HYDIN: variants seen among roughly 807,000 people sequenced by gnomAD.
HYDIN encodes the protein HYDIN axonemal central pair apparatus protein, also known as axonemal central pair apparatus protein HYDIN.
In HYDIN, 132 loss-of-function variants were observed where a neutral mutation model predicts 403.9. The ratio of observed to expected loss-of-function variants is 0.33; its 90% confidence interval spans 0.28 to 0.38. HYDIN has a LOEUF of 0.38. HYDIN is among the 10% of genes least tolerant of loss of function. The pLI, the probability that HYDIN is intolerant of heterozygous loss-of-function variation, is 1.00. For synonymous variants in HYDIN, 1,202 were observed against 1,891.7 expected, an observed-to-expected ratio of 0.64 and a Z score of 9.46; for missense variants, 2,827 against 5,009.5, an observed-to-expected ratio of 0.56 and a Z score of 13.15.
At chr16:71,211,047 T>C (rs1310184824) in intron 1 of HYDIN, among the ~76,000 whole-genome samples, 1 of 151,920 alleles carries the variant, frequency 6.6e-6, no homozygotes, top group Non-Finnish European at 1.5e-5. Flanking sequence ...TAGAAGTCAA[T>C]GATCAGAGCC....
chr16:71,219,875 A>C (rs1344493764), intron 1 of HYDIN, among the ~76,000 whole-genome samples: 2 of 152,196 alleles, frequency 1.3e-5, no homozygotes, highest in East Asian at 3.9e-4. Flanking sequence ...TTAATGAGGA[A>C]ACAGATCTTG....
At chr16:71,070,165 G>C in intron 13 of HYDIN, among the ~76,000 whole-genome samples, 1 of 152,138 alleles carries the variant, frequency 6.6e-6, no homozygotes, top group Non-Finnish European at 1.5e-5. Context: ...ATCCAGCTTT[G>C]TTCCGTGAGA....
chr16:71,024,294 G>A (rs967173925), intron 21 of HYDIN, among the ~76,000 whole-genome samples: 3 of 152,070 alleles, frequency 2.0e-5, no homozygotes, highest in Non-Finnish European at 4.4e-5. Flanking sequence ...TTCCTAACTC[G>A]AGCCCTTCAT....
intron 1 of HYDIN, among the ~76,000 whole-genome samples, chr16:71,187,739 A>G (rs1325138857): frequency 6.6e-6 from 1 of 152,166 alleles, no homozygotes; most frequent in Non-Finnish European, 1.5e-5. Context: ...ATATAAAGGA[A>G]AGTAGATTTG....
intron 12 of HYDIN, among the ~76,000 whole-genome samples, chr16:71,086,177 A>G (rs540330674): frequency 2.0e-5 from 3 of 152,194 alleles, no homozygotes; most frequent in South Asian, 4.1e-4. Context: ...TTTAGGGAAT[A>G]GTTTAAAGAA....
At chr16:71,205,387 T>C (rs78784534) in intron 1 of HYDIN, among the ~76,000 whole-genome samples, 1,591 of 152,322 alleles carry the variant, frequency 0.01, 27 homozygotes, top group African/African-American at 0.036. Flanking sequence ...ATTCATGCTC[T>C]CTACAGACGC....
intron 71 of HYDIN, among the ~76,000 whole-genome samples, chr16:70,859,066 C>A (rs1316615076): frequency 6.6e-6 from 1 of 151,484 alleles, no homozygotes; most frequent in East Asian, 1.9e-4. Flanking sequence ...CTTTGGGAGG[C>A]CGAGACGGGC....
intron 83 of HYDIN, among the ~76,000 whole-genome samples, chr16:70,819,717 G>A (rs1304316135): frequency 1.3e-5 from 2 of 148,374 alleles, no homozygotes; most frequent in Non-Finnish European, 1.5e-5. Context: ...TAACACATTG[G>A]GTTGTTTTAT....
intron 65 of HYDIN, among the ~76,000 whole-genome samples, chr16:70,871,365 G>C (rs1237727514): frequency 6.6e-6 from 1 of 152,204 alleles, no homozygotes; most frequent in Non-Finnish European, 1.5e-5. Flanking sequence ...AGGCAGTGAA[G>C]ACACTGGGGT....
intron 4 of HYDIN, among the ~76,000 whole-genome samples, chr16:71,176,063 T>G (rs920542355): frequency 6.6e-6 from 1 of 151,832 alleles, no homozygotes; most frequent in African/African-American, 2.4e-5. Flanking sequence ...CCCAGCATTT[T>G]GGGAGGCCGA....
intron 20 of HYDIN, among the ~76,000 whole-genome samples, chr16:71,026,411 G>A (rs768278275): frequency 6.6e-6 from 1 of 152,150 alleles, no homozygotes; most frequent in Non-Finnish European, 1.5e-5. Flanking sequence ...AGAACATTCG[G>A]GGATGCTTTT....
chr16:71,020,619 G>A (rs1223028464), intron 21 of HYDIN, among the ~76,000 whole-genome samples: 4 of 152,198 alleles, frequency 2.6e-5, no homozygotes, highest in African/African-American at 7.2e-5. Context: ...GACCAGCCTG[G>A]CCAACATGGT....
intron 36 of HYDIN, among the ~76,000 whole-genome samples, chr16:70,967,059 A>T: frequency 6.6e-6 from 1 of 151,880 alleles, no homozygotes; most frequent in East Asian, 1.9e-4. Flanking sequence ...GGAAAAAGAG[A>T]TTACTAGCTA....
intron 41 of HYDIN, among the ~76,000 whole-genome samples, chr16:70,947,856 A>G (rs2077925759): frequency 2.7e-5 from 4 of 150,768 alleles, no homozygotes. Context: ...AGGAAGAATC[A>G]ATATCGTGAA....
At chr16:70,904,103 T>G in intron 50 of HYDIN, 39 bp from the exon 51 acceptor site, 1 of 1,558,068 alleles carries the variant, frequency 6.4e-7, no homozygotes, top group Admixed American at 1.7e-5. Context: ...GTATGAAGAC[T>G]GAATGAGAAT....
chr16:70,824,550 C>G (rs2036462777), intron 83 of HYDIN, among the ~76,000 whole-genome samples: 1 of 151,162 alleles, frequency 6.6e-6, no homozygotes, highest in Non-Finnish European at 1.5e-5. Context: ...TTTTTTGAGA[C>G]AGGGTCTTGC....
intron 13 of HYDIN, among the ~76,000 whole-genome samples, chr16:71,074,490 T>C (rs1293536445): frequency 4.6e-5 from 7 of 151,800 alleles, no homozygotes; most frequent in Non-Finnish European, 1.0e-4. Flanking sequence ...CAGACCAGCC[T>C]GGCCAACATG....
intron 45 of HYDIN, among the ~76,000 whole-genome samples, chr16:70,929,150 C>T (rs1440066848): frequency 4.7e-4 from 67 of 143,168 alleles, no homozygotes; most frequent in South Asian, 2.1e-3. Context: ...ATTAGCTGGG[C>T]GTGGTGGTGC....
chr16:71,175,015 T>C (rs1422497565), intron 5 of HYDIN, among the ~76,000 whole-genome samples: 1 of 151,914 alleles, frequency 6.6e-6, no homozygotes, highest in Non-Finnish European at 1.5e-5. Flanking sequence ...AGCATTCCTC[T>C]CGTGACTACC....
Sources: gnomAD v4.1 joint callset for allele counts (sites outside exome capture counted in the v4.1 genomes callset) on GRCh38, gnomAD v4.1.1 for gene constraint, MANE v1.5 for transcripts, NCBI Gene and HGNC (gene_info 2026-07-23, HGNC 2026-07-21) for gene names.